The following CDK20 variants were observed in gnomAD, a reference collection of about 807,000 sequenced individuals.
CDK20 encodes the protein cyclin-dependent kinase 20.
Under a neutral mutation model 38.6 loss-of-function variants are expected in CDK20, and 40 were observed. That is an observed-to-expected ratio of 1.04 (90% CI 0.81 to 1.35). The LOEUF (loss-of-function observed/expected upper bound fraction) is 1.35. Among genes scored for constraint, CDK20 ranks in the 40% most tolerant of loss-of-function variants. The pLI is 0.00. For missense variants in CDK20, 512 were observed against 452.6 expected, an observed-to-expected ratio of 1.13 and a Z score of -1.19; for synonymous variants, 209 against 185.7, an observed-to-expected ratio of 1.13 and a Z score of -1.02.
At chr9:87,970,704 A>G (rs528404756) in intron 4 of CDK20, 72 bp downstream of exon 4, 9 of 1,612,622 alleles carry the variant, frequency 5.6e-6, no homozygotes, top group Non-Finnish European at 7.6e-6. Flanking sequence ...CCCCACAAGC[A>G]ATGTCTGGAG....
intron 3 of CDK20, 41 bp downstream of exon 3, chr9:87,971,106 C>T (rs751386304): frequency 6.3e-7 from 1 of 1,595,054 alleles, no homozygotes; most frequent in South Asian, 1.1e-5. Context: ...CAAGCCAAGT[C>T]AGCTCCCCAG....
chr9:87,973,916 A>G lies in CDK20; in HGVS notation c.189+6T>C, dbSNP rs1188287117. On this transcript the variant is annotated splice_donor_region_variant and intron_variant, in intron 2 of 7. Coordinates refer to ENST00000325303, the MANE Select transcript of CDK20 (RefSeq NM_001039803.3). Reference sequence around the variant, plus strand: ...GAGAATACCATGCCCCCCCTCCCCTACTCACATACTGATTGTCCTCCATCT... The same window carrying G: ...GAGAATACCATGCCCCCCCTCCCCTGCTCACATACTGATTGTCCTCCATCT... 6.2e-7 allele frequency: 1 copy of G among 1,613,290 alleles called. No homozygotes were observed. The highest frequency in any genetic ancestry group is 1.1e-5 in the South Asian group (1 of 91,058).
rs371560327 is a variant in CDK20, at chr9:87,973,913, C to T, written c.189+9G>A. ...GGTGAGAATACCATGCCCCCCCTCC[C>T]CTACTCACATACTGATTGTCCTCCA... On this transcript the variant is annotated intron_variant, in intron 2 of 7. Transcript: ENST00000325303. The T allele has an allele frequency of 6.2e-7, 1 of 1,612,970 alleles. No individual in the cohort carries two copies. The highest frequency in any genetic ancestry group is 8.5e-7 in the Non-Finnish European group (1 of 1,179,478).
intron 2 of CDK20, among the ~76,000 whole-genome samples, chr9:87,972,532 A>G (rs1829933837): frequency 6.6e-6 from 1 of 152,112 alleles, no homozygotes; most frequent in African/African-American, 2.4e-5. Context: ...GGCCAGCTGG[A>G]GGTGGGCACA....
chr9:87,974,066 C>T (rs1462398218), intron 1 of CDK20, 31 bp from the exon 2 acceptor site: 1 of 1,613,492 alleles, frequency 6.2e-7, no homozygotes, highest in Non-Finnish European at 8.5e-7. Flanking sequence ...ACTGCCAGCC[C>T]ACCCTCGGCT....
At chr9:87,971,551 T>C (rs902562360) in intron 2 of CDK20, among the ~76,000 whole-genome samples, 2 of 152,194 alleles carry the variant, frequency 1.3e-5, no homozygotes, top group African/African-American at 4.8e-5. Context: ...TAATTCTCCA[T>C]GAACACTAAA....
intron 7 of CDK20, 37 bp from the exon 8 acceptor site, chr9:87,967,696 A>G: frequency 6.9e-7 from 1 of 1,444,168 alleles, no homozygotes; most frequent in Non-Finnish European, 9.2e-7. Flanking sequence ...GAAGGAAACT[A>G]GTCACCTCCC....
intron 2 of CDK20, 148 bp downstream of exon 2, chr9:87,973,774 G>A: frequency 1.3e-6 from 1 of 765,550 alleles, no homozygotes; most frequent in Non-Finnish European, 2.1e-6. Context: ...AAGGGGGTAA[G>A]GAGGCAGATG....
intron 3 of CDK20, 30 bp from the exon 4 acceptor site, chr9:87,970,927 T>G: frequency 6.2e-7 from 1 of 1,613,664 alleles, no homozygotes; most frequent in Non-Finnish European, 8.5e-7. Context: ...CATCAGTCCC[T>G]CCAAATCCCC....
At chr9:87,970,422 T>C in intron 5 of CDK20, 146 bp downstream of exon 5, 1 of 710,656 alleles carries the variant, frequency 1.4e-6, no homozygotes, top group Non-Finnish European at 2.3e-6. Context: ...AACCCCAAAG[T>C]GCTCAGAATA....
intron 2 of CDK20, among the ~76,000 whole-genome samples, chr9:87,971,560 A>C (rs1053781906): frequency 6.6e-6 from 1 of 152,100 alleles, no homozygotes; most frequent in South Asian, 2.1e-4. Flanking sequence ...ATGAACACTA[A>C]AAGGTCTAAA....
At chr9:87,973,798 TGTGA>T (rs778013135) in intron 2 of CDK20, 120 bp downstream of exon 2, 30 of 977,010 alleles carry the variant, frequency 3.1e-5, no homozygotes, top group Non-Finnish European at 4.2e-5. Flanking sequence ...GAGCAGTGTG[TGTGA>T]GTGACAGCGG....
chr9:87,972,617 C>G (rs994216517), intron 2 of CDK20, among the ~76,000 whole-genome samples: 3 of 152,198 alleles, frequency 2.0e-5, no homozygotes, highest in Non-Finnish European at 2.9e-5. Flanking sequence ...TTAACTTACA[C>G]TTTTGACAAA....
chr9:87,969,611 G>A (rs1003230096), intron 6 of CDK20, 185 bp downstream of exon 6: 1 of 955,186 alleles, frequency 1.0e-6, no homozygotes, highest in South Asian at 1.6e-5. Context: ...ACAAAGGACA[G>A]GATCTACCCC....
intron 6 of CDK20, 122 bp downstream of exon 6, chr9:87,969,674 T>G (rs1378786277): frequency 9.7e-6 from 14 of 1,440,170 alleles, no homozygotes; most frequent in African/African-American, 1.4e-5. Flanking sequence ...AGGACAGTGG[T>G]CCCTGTCCAT....
At chr9:87,969,451 G>T in intron 6 of CDK20, 102 bp from the exon 7 acceptor site, 1 of 1,281,038 alleles carries the variant, frequency 7.8e-7, no homozygotes, top group African/African-American at 1.5e-5. Context: ...TCACATGGGG[G>T]GTGCTCTCCC....
intron 6 of CDK20, 87 bp downstream of exon 6, chr9:87,969,709 A>T (rs1298063875): frequency 6.3e-7 from 1 of 1,582,808 alleles, no homozygotes; most frequent in African/African-American, 1.3e-5. Context: ...GCCAGGAGAG[A>T]GAAGGTTCAG....
chr9:87,973,885 G>C (rs1411054285), intron 2 of CDK20, 37 bp downstream of exon 2: 1 of 1,598,412 alleles, frequency 6.3e-7, no homozygotes, highest in Non-Finnish European at 8.5e-7. Flanking sequence ...ACGAGCGACT[G>C]AGGGTGAGAA....
In CDK20 at chr9:87,971,159, G is replaced by A. The variant is rs776720051; in HGVS notation, c.366C>T (p.Asn122=). The A allele has an allele frequency of 1.2e-6, 2 of 1,614,030 alleles. No individual in the cohort carries two copies. Among genetic ancestry groups the A allele is most frequent in the Non-Finnish European group, 8.5e-7 (1 of 1,179,926 alleles). ...LKGVAFCHAN[N]IVHRDLKPAN... is the part of the protein sequence containing the mutation. ...TGCTGAGACTGACCCGATGTACAAT[G>A]TTGTTGGCATGGCAGAAGGCGACAC... is the stretch of plus-strand genomic sequence containing the variant. The change falls in exon 3 of 8, where the codon AAC becomes AAT. Residue 122 remains asparagine, a synonymous_variant. Transcript: ENST00000325303.
Sources: allele counts gnomAD v4.1 joint callset (sites outside exome capture counted in the v4.1 genomes callset), GRCh38; gene constraint gnomAD v4.1.1; transcripts MANE v1.5; gene names NCBI Gene and HGNC (gene_info 2026-07-23, HGNC 2026-07-21).